Variants in GALNTL6 observed in about 807,000 individuals in gnomAD.
GALNTL6 encodes the protein polypeptide N-acetylgalactosaminyltransferase like 6.
GALNTL6 carries 46 observed loss-of-function variants against 73.7 expected under a neutral mutation model. That is an observed-to-expected ratio of 0.62 (90% CI 0.49 to 0.80). The LOEUF (loss-of-function observed/expected upper bound fraction) is 0.80, where lower values mean the gene tolerates loss of function less well. GALNTL6 is among the 30% of genes least tolerant of loss of function. The pLI is 0.00. For synonymous variants in GALNTL6, 259 were observed against 263.7 expected (o/e 0.98, Z 0.17); for missense variants, 604 against 755.0 (o/e 0.80, Z 2.34).
chr4:172,281,408 C>A (rs1049939922), intron 3 of GALNTL6, among the ~76,000 whole-genome samples: 3 of 152,008 alleles, frequency 2.0e-5, no homozygotes, highest in East Asian at 3.9e-4. Flanking sequence ...TATAAAAGAC[C>A]CTGTTGACCA....
At chr4:172,153,872 C>T (rs1734171798) in intron 2 of GALNTL6, among the ~76,000 whole-genome samples, 1 of 152,168 alleles carries the variant, frequency 6.6e-6, no homozygotes, top group African/African-American at 2.4e-5. Context: ...CATCAAAGTA[C>T]AATACTCTGC....
chr4:172,101,184 A>G (rs1333120038), intron 2 of GALNTL6, among the ~76,000 whole-genome samples: 1 of 152,088 alleles, frequency 6.6e-6, no homozygotes, highest in Non-Finnish European at 1.5e-5. Flanking sequence ...TTCTAATCCC[A>G]AGAAAATGCT....
At chr4:172,304,402 G>T (rs1467157275) in intron 3 of GALNTL6, among the ~76,000 whole-genome samples, 2 of 139,334 alleles carry the variant, frequency 1.4e-5, no homozygotes, top group Non-Finnish European at 3.1e-5. Context: ...AAACATAAGT[G>T]TAGAATAGTA....
intron 2 of GALNTL6, among the ~76,000 whole-genome samples, chr4:172,104,110 A>AT (rs974258875): frequency 1.4e-4 from 21 of 151,582 alleles, no homozygotes; most frequent in East Asian, 3.9e-4. Context: ...CGCCTGGCTA[A>AT]TTTTTTTGTG....
chr4:172,147,960 T>A (rs919927086), intron 2 of GALNTL6, among the ~76,000 whole-genome samples: 5 of 152,124 alleles, frequency 3.3e-5, no homozygotes, highest in Non-Finnish European at 7.4e-5. Flanking sequence ...CAAATTTTGA[T>A]CTTTATTACT....
intron 3 of GALNTL6, among the ~76,000 whole-genome samples, chr4:172,307,920 T>C (rs1418365203): frequency 6.6e-6 from 1 of 151,638 alleles, no homozygotes; most frequent in East Asian, 1.9e-4. Context: ...TGGAATTGCA[T>C]TAAATGTATA....
In GALNTL6 at chr4:172,154,157, GT is replaced by G. The variant is rs150388060; in HGVS notation, c.139-75485del. On this transcript the variant is annotated intron_variant, in intron 2 of 12. Coordinates refer to ENST00000506823, the MANE Select transcript of GALNTL6 (RefSeq NM_001034845.3). ...TCATTTTACATAAAAAATCACATGA[GT>G]TTTTTTTTTTTTTCGTTTTCCATAA... 4.5e-3 allele frequency among the ~76,000 whole-genome samples: 615 copies of G among 137,790 alleles called. 4 individuals carry two copies. Among genetic ancestry groups the G allele is most frequent in the African/African-American group, 0.014 (522 of 37,438 alleles). 90.4% of individuals were successfully genotyped at this position (137,790 alleles called of 152,430 possible).
chr4:172,942,696 CCT>C (rs1401963629), intron 9 of GALNTL6, among the ~76,000 whole-genome samples: 1 of 152,180 alleles, frequency 6.6e-6, no homozygotes, highest in Non-Finnish European at 1.5e-5. Flanking sequence ...CTTTCGCTTG[CCT>C]CTGTTTCCTG....
At chr4:172,285,432 C>T (rs1211702908) in intron 3 of GALNTL6, among the ~76,000 whole-genome samples, 2 of 152,158 alleles carry the variant, frequency 1.3e-5, no homozygotes, top group Non-Finnish European at 2.9e-5. Context: ...ATGCTTTCTC[C>T]TTTCAAAGCA....
At chr4:172,126,603 C>T (rs76404658) in intron 2 of GALNTL6, among the ~76,000 whole-genome samples, 2 of 152,300 alleles carry the variant, frequency 1.3e-5, no homozygotes, top group African/African-American at 2.4e-5. Flanking sequence ...CAGTGGTTCA[C>T]ATTCCCACCA....
At chr4:172,900,694 A>G (rs779097934) in intron 8 of GALNTL6, among the ~76,000 whole-genome samples, 9 of 152,200 alleles carry the variant, frequency 5.9e-5, no homozygotes, top group Non-Finnish European at 1.3e-4. Context: ...ACTGAAATTC[A>G]AGGGATATTT....
At chr4:172,654,427 C>G (rs932826022) in intron 5 of GALNTL6, among the ~76,000 whole-genome samples, 3 of 152,086 alleles carry the variant, frequency 2.0e-5, no homozygotes, top group African/African-American at 7.2e-5. Flanking sequence ...TCCAAGGGCC[C>G]CAGCTGATCT....
At chr4:171,826,763 T>G (rs534088978) in intron 2 of GALNTL6, among the ~76,000 whole-genome samples, 17 of 152,070 alleles carry the variant, frequency 1.1e-4, no homozygotes, top group African/African-American at 3.6e-4. Flanking sequence ...GGAGAAGGGA[T>G]TGGAAAAAGC....
intron 7 of GALNTL6, among the ~76,000 whole-genome samples, chr4:172,841,734 C>G (rs537646958): frequency 1.3e-5 from 2 of 152,282 alleles, no homozygotes; most frequent in African/African-American, 4.8e-5. Context: ...GGGGAAACCA[C>G]CTCCATAATC....
At chr4:172,290,841 AT>A (rs1342452445) in intron 3 of GALNTL6, among the ~76,000 whole-genome samples, 1 of 151,872 alleles carries the variant, frequency 6.6e-6, no homozygotes, top group African/African-American at 2.4e-5. Context: ...CTATTAATTA[AT>A]TTTTAACACA....
At chr4:172,228,861 A>C (rs1179283245) in intron 2 of GALNTL6, among the ~76,000 whole-genome samples, 1 of 152,230 alleles carries the variant, frequency 6.6e-6, no homozygotes, top group East Asian at 1.9e-4. Context: ...ACACAGAAAT[A>C]ATTTTCAAGT....
chr4:172,993,490 T>C (rs76651376), intron 10 of GALNTL6, among the ~76,000 whole-genome samples: 2,371 of 152,326 alleles, frequency 0.016, 18 homozygotes, highest in South Asian at 0.029. Context: ...AAGCTTCTCC[T>C]GAAGAATGGC....
chr4:172,066,668 T>C (rs948995739), intron 2 of GALNTL6, among the ~76,000 whole-genome samples: 12 of 152,206 alleles, frequency 7.9e-5, no homozygotes, highest in Admixed American at 7.2e-4. Flanking sequence ...TGGCAGAGCC[T>C]GAGTCCTCTG....
chr4:171,897,326 A>C (rs916819169), intron 2 of GALNTL6, among the ~76,000 whole-genome samples: 6 of 152,216 alleles, frequency 3.9e-5, no homozygotes, highest in African/African-American at 1.4e-4. Flanking sequence ...AAAAATTGAC[A>C]ATCTTTAAAT....
Sources: gnomAD v4.1 joint callset for allele counts (sites outside exome capture counted in the v4.1 genomes callset) on GRCh38, gnomAD v4.1.1 for gene constraint, MANE v1.5 for transcripts, NCBI Gene and HGNC (gene_info 2026-07-23, HGNC 2026-07-21) for gene names.